DDAH1: variants seen among roughly 807,000 people sequenced by gnomAD.
DDAH1 encodes the protein dimethylarginine dimethylaminohydrolase 1, also known as N(G),N(G)-dimethylarginine dimethylaminohydrolase 1.
In DDAH1, 19 loss-of-function variants were observed where a neutral mutation model predicts 28.8. That is an observed-to-expected ratio of 0.66 (90% CI 0.46 to 0.97). The LOEUF (loss-of-function observed/expected upper bound fraction) is 0.97, where lower values mean the gene tolerates loss of function less well. DDAH1 is among the 50% of genes least tolerant of loss of function. DDAH1 has a pLI of 0.00. For missense variants in DDAH1, 326 were observed against 375.9 expected (o/e 0.87, Z 1.10); for synonymous variants, 153 against 154.4 (o/e 0.99, Z 0.07).
At chr1:85,484,912 T>G (rs528132435) in intron 2 of DDAH1, among the ~76,000 whole-genome samples, 31 of 152,314 alleles carry the variant, frequency 2.0e-4, no homozygotes, top group African/African-American at 7.0e-4. Context: ...ACACATGTAC[T>G]CTGAGTCATT....
chr1:85,565,843 G>A lies in DDAH1; in HGVS notation c.-123+12141C>T, dbSNP rs529068273. Among the ~76,000 whole-genome samples, 17 of 152,286 alleles carry A rather than the reference G, an allele frequency of 1.1e-4. No individual in the cohort carries two copies. In the East Asian group the frequency reaches 2.7e-3, roughly 24 times the overall value. The stretch of plus-strand genomic sequence containing the variant: ...CGCCTGTAATCCCAGCACTTTGGGA[G>A]GCCAAGGTGGGTGGATCACCTGAGG... On this transcript the variant is annotated intron_variant, in intron 1 of 6. Coordinates refer to the DDAH1 transcript ENST00000426972.
intron 4 of DDAH1, among the ~76,000 whole-genome samples, chr1:85,325,085 G>T (rs2100788479): frequency 1.3e-5 from 2 of 152,046 alleles, no homozygotes; most frequent in East Asian, 3.9e-4. Context: ...AATTGCAAGG[G>T]TTTTTGTTGC....
At chr1:85,436,236 AT>A (rs71582955) in intron 1 of DDAH1, among the ~76,000 whole-genome samples, 25 of 146,472 alleles carry the variant, frequency 1.7e-4, no homozygotes, top group Middle Eastern at 3.6e-3. Flanking sequence ...AATTTAAAAA[AT>A]TTTTTTTTCC....
At chr1:85,364,018 G>A (rs1649929468) in intron 1 of DDAH1, among the ~76,000 whole-genome samples, 1 of 149,950 alleles carries the variant, frequency 6.7e-6, no homozygotes, top group Non-Finnish European at 1.5e-5. Flanking sequence ...TGAATATATA[G>A]TGACAATAAA....
intron 1 of DDAH1, among the ~76,000 whole-genome samples, chr1:85,514,680 G>A (rs1657403462): frequency 6.7e-6 from 1 of 150,094 alleles, no homozygotes; most frequent in African/African-American, 2.5e-5. Flanking sequence ...ATGGACTAAT[G>A]AATTTTTATG....
intron 1 of DDAH1, among the ~76,000 whole-genome samples, chr1:85,364,056 T>C (rs903080726): frequency 1.3e-5 from 2 of 152,124 alleles, no homozygotes; most frequent in African/African-American, 4.8e-5. Context: ...ATGCTCACAA[T>C]AACTCCAAAA....
intron 1 of DDAH1, among the ~76,000 whole-genome samples, chr1:85,405,932 A>C (rs1239172831): frequency 6.6e-6 from 1 of 152,212 alleles, no homozygotes; most frequent in Non-Finnish European, 1.5e-5. Flanking sequence ...CAACTTAAAG[A>C]GGTTTGGTTG....
intron 1 of DDAH1, among the ~76,000 whole-genome samples, chr1:85,566,400 G>A (rs1257387429): frequency 6.6e-6 from 1 of 151,092 alleles, no homozygotes; most frequent in Non-Finnish European, 1.5e-5. Flanking sequence ...ACTGATGTGG[G>A]AGGATGGCTC....
intron 1 of DDAH1, among the ~76,000 whole-genome samples, chr1:85,388,806 C>T (rs896807077): frequency 3.3e-5 from 5 of 152,174 alleles, no homozygotes; most frequent in African/African-American, 1.2e-4. Flanking sequence ...CTATTTCTAT[C>T]TACTTTCAGT....
upstream of DDAH1, chr1:85,467,677 A>G (rs190591271): frequency 6.6e-6 from 1 of 152,372 alleles, no homozygotes; most frequent in Admixed American, 6.5e-5. Flanking sequence ...TATAGTTTAC[A>G]TGCTTTCACA....
chr1:85,497,985 A>T (rs894586858), intron 1 of DDAH1, among the ~76,000 whole-genome samples: 1 of 152,202 alleles, frequency 6.6e-6, no homozygotes, highest in African/African-American at 2.4e-5. Context: ...TCTCTGGGTG[A>T]ACTAACCCCC....
chr1:85,460,816 C>T (rs1270858219), intron 1 of DDAH1, among the ~76,000 whole-genome samples: 1 of 152,150 alleles, frequency 6.6e-6, no homozygotes, highest in African/African-American at 2.4e-5. Context: ...CACTGCATAT[C>T]CTTTTGTACC....
chr1:85,539,418 C>T (rs766377031), intron 1 of DDAH1, among the ~76,000 whole-genome samples: 281 of 152,372 alleles, frequency 1.8e-3, no homozygotes, highest in Non-Finnish European at 2.5e-3. Context: ...AAGTGGATTA[C>T]AGGCGGGAGC....
chr1:85,344,951 A>G (rs545599229), intron 4 of DDAH1, among the ~76,000 whole-genome samples: 50 of 152,326 alleles, frequency 3.3e-4, no homozygotes, highest in African/African-American at 1.2e-3. Context: ...AGGCACACTT[A>G]GTTATTGGAG....
chr1:85,350,375 A>G, intron 4 of DDAH1, 40 bp downstream of exon 4: 1 of 1,597,298 alleles, frequency 6.3e-7, no homozygotes, highest in Non-Finnish European at 8.5e-7. Flanking sequence ...TGTGGCAGGC[A>G]CCCCCACTAC....
intron 1 of DDAH1, among the ~76,000 whole-genome samples, chr1:85,498,555 C>A (rs1252860119): frequency 6.6e-6 from 1 of 152,108 alleles, no homozygotes; most frequent in East Asian, 1.9e-4. Flanking sequence ...ACATTTCAGT[C>A]CCTAGATAGC....
intron 4 of DDAH1, among the ~76,000 whole-genome samples, chr1:85,348,389 C>G (rs1250063599): frequency 6.6e-6 from 1 of 152,130 alleles, no homozygotes; most frequent in Non-Finnish European, 1.5e-5. Flanking sequence ...GCAGGGCTTT[C>G]TCCTCAAAGA....
chr1:85,376,235 A>G (rs1389214198), intron 1 of DDAH1, among the ~76,000 whole-genome samples: 2 of 152,186 alleles, frequency 1.3e-5, no homozygotes, highest in African/African-American at 2.4e-5. Context: ...AGCCACTCCT[A>G]TTAGGGTGTT....
chr1:85,357,083 C>A (rs1211537087), intron 2 of DDAH1, among the ~76,000 whole-genome samples: 1 of 152,234 alleles, frequency 6.6e-6, no homozygotes, highest in Non-Finnish European at 1.5e-5. Flanking sequence ...GATAAACAGA[C>A]TGTTGTTCTG....
Sources: allele counts gnomAD v4.1 joint callset (sites outside exome capture counted in the v4.1 genomes callset), GRCh38; gene constraint gnomAD v4.1.1; transcripts MANE v1.5; gene names NCBI Gene and HGNC (gene_info 2026-07-23, HGNC 2026-07-21).